Variants in MBNL1 observed in about 807,000 individuals in gnomAD.
MBNL1 encodes the protein muscleblind like splicing regulator 1, also known as muscleblind-like protein 1.
MBNL1 carries 8 observed loss-of-function variants against 42.2 expected under a neutral mutation model. That is an observed-to-expected ratio of 0.19 (90% CI 0.11 to 0.34). The LOEUF (loss-of-function observed/expected upper bound fraction) is 0.34. MBNL1 is among the 10% of genes least tolerant of loss of function. MBNL1 has a pLI of 1.00. For missense variants in MBNL1, 309 were observed against 495.3 expected (o/e 0.62, Z 3.57); for synonymous variants, 169 against 173.9 (o/e 0.97, Z 0.22).
At chr3:152,438,664 A>T (rs1460144465) in intron 4 of MBNL1, among the ~76,000 whole-genome samples, 1 of 152,208 alleles carries the variant, frequency 6.6e-6, no homozygotes, top group Admixed American at 6.5e-5. Flanking sequence ...GTGGGGTTTG[A>T]TAATATTTTT....
At chr3:152,275,678 A>G (rs569473777) in intron 1 of MBNL1, among the ~76,000 whole-genome samples, 1 of 139,542 alleles carries the variant, frequency 7.2e-6, no homozygotes, top group East Asian at 2.3e-4. Flanking sequence ...ACTGCACTCC[A>G]GTCTGGCAAC....
In MBNL1 at chr3:152,325,552, TA is replaced by T. The variant is rs200627383; in HGVS notation, c.174+25186del. Among the ~76,000 whole-genome samples the T allele has an allele frequency of 9.2e-5, 14 of 151,910 alleles. No homozygotes were observed. The South Asian group carries it at 1.0e-3, about 11-fold the overall frequency. On this transcript the variant is annotated intron_variant, in intron 2 of 9. Coordinates refer to ENST00000324210, the MANE Select transcript of MBNL1 (RefSeq NM_021038.5). ...AAATATATTGAAGATATCTGTATTTTATTTTTTTTAGTTTATAGTTAATTTT... is the reference window on the plus strand; with the variant it reads ...AAATATATTGAAGATATCTGTATTTTTTTTTTTTAGTTTATAGTTAATTTT...
chr3:152,257,685 T>C (rs1428028330), intron 2 of MBNL1, among the ~76,000 whole-genome samples: 1 of 152,128 alleles, frequency 6.6e-6, no homozygotes, highest in Non-Finnish European at 1.5e-5. Context: ...GAGGTAGGAG[T>C]AAGAGCTTAA....
intron 1 of MBNL1, among the ~76,000 whole-genome samples, chr3:152,279,659 G>A (rs2047284406): frequency 6.6e-6 from 1 of 152,116 alleles, no homozygotes; most frequent in Admixed American, 6.5e-5. Flanking sequence ...GCAGTATCAT[G>A]ATGTTGTAAC....
chr3:152,258,835 C>T (rs2035827607), intron 2 of MBNL1, among the ~76,000 whole-genome samples: 1 of 152,186 alleles, frequency 6.6e-6, no homozygotes, highest in Admixed American at 6.5e-5. Flanking sequence ...ATTTTGGCTG[C>T]CTTCTATGAA....
chr3:152,460,722 G>T (rs567756073), intron 9 of MBNL1, among the ~76,000 whole-genome samples: 17 of 151,446 alleles, frequency 1.1e-4, no homozygotes, highest in African/African-American at 4.1e-4. Context: ...GTTATAACAT[G>T]TGCTCAGATG....
At chr3:152,381,853 G>T (rs562354871) in intron 2 of MBNL1, among the ~76,000 whole-genome samples, 8 of 151,798 alleles carry the variant, frequency 5.3e-5, no homozygotes, top group Non-Finnish European at 1.2e-4. Flanking sequence ...ATCAGCCAAA[G>T]AATTTGAAGG....
At chr3:152,402,789 A>G (rs2098281930) in intron 2 of MBNL1, among the ~76,000 whole-genome samples, 1 of 152,128 alleles carries the variant, frequency 6.6e-6, no homozygotes, top group Admixed American at 6.5e-5. Context: ...AATGTTTGAG[A>G]GCTGTTTTAT....
At position 152,438,461 on chromosome 3, in the gene MBNL1, T is replaced by A. The variant is rs1053635318; in HGVS notation, c.549+5541T>A. 2.6e-4 allele frequency among the ~76,000 whole-genome samples: 40 copies of A among 152,314 alleles called. 2 individuals are homozygous for A. The highest frequency in any genetic ancestry group is 9.6e-4 in the African/African-American group (40 of 41,582). On this transcript the variant is annotated intron_variant, in intron 4 of 9. Coordinates refer to ENST00000324210, the MANE Select transcript of MBNL1 (RefSeq NM_021038.5). The stretch of plus-strand genomic sequence containing the variant: ...CACAGAGGTACTAAAATATAAAAAA[T>A]GTTTATCATGTGTTAACATTCTCCT...
At chr3:152,397,135 TA>T (rs1280155159) in intron 2 of MBNL1, among the ~76,000 whole-genome samples, 1 of 152,180 alleles carries the variant, frequency 6.6e-6, no homozygotes, top group Non-Finnish European at 1.5e-5. Context: ...TTCCCCAGCT[TA>T]AAAAAATCTT....
At chr3:152,453,433 T>C (rs1247212073) in intron 6 of MBNL1, among the ~76,000 whole-genome samples, 1 of 152,228 alleles carries the variant, frequency 6.6e-6, no homozygotes, top group Non-Finnish European at 1.5e-5. Flanking sequence ...CATTCTGCTC[T>C]GCAAATATCT....
chr3:152,410,126 T>TAC (rs2098531351), intron 2 of MBNL1, among the ~76,000 whole-genome samples: 1 of 152,170 alleles, frequency 6.6e-6, no homozygotes, highest in African/African-American at 2.4e-5. Context: ...TTTATATATA[T>TAC]ACTATATTTG....
At chr3:152,376,527 G>A (rs2096908780) in intron 2 of MBNL1, among the ~76,000 whole-genome samples, 1 of 152,150 alleles carries the variant, frequency 6.6e-6, no homozygotes, top group South Asian at 2.1e-4. Context: ...TGATGTTTAT[G>A]GTGGACAAGA....
At chr3:152,275,707 C>CAAAAA (rs60796721) in intron 1 of MBNL1, among the ~76,000 whole-genome samples, 5 of 29,644 alleles carry the variant, frequency 1.7e-4, no homozygotes, top group Non-Finnish European at 2.8e-4. Flanking sequence ...ACTCTTGTCT[C>CAAAAA]AAAAAAAAAA....
At chr3:152,321,166 A>G (rs1466085697) in intron 2 of MBNL1, among the ~76,000 whole-genome samples, 2 of 152,128 alleles carry the variant, frequency 1.3e-5, no homozygotes, top group Non-Finnish European at 2.9e-5. Flanking sequence ...AGTAGTACTG[A>G]CAATTAAATA....
intron 2 of MBNL1, among the ~76,000 whole-genome samples, chr3:152,331,191 CACACACAT>C (rs1289359893): frequency 8.5e-5 from 13 of 152,084 alleles, no homozygotes; most frequent in South Asian, 2.1e-4. Flanking sequence ...CCCCTACACA[CACACACAT>C]ACACACATAC....
intron 9 of MBNL1, among the ~76,000 whole-genome samples, chr3:152,461,664 TATG>T (rs1228799812): frequency 6.6e-6 from 1 of 152,198 alleles, no homozygotes; most frequent in African/African-American, 2.4e-5. Context: ...GTCACTAGAT[TATG>T]ATTTCTTTCA....
intron 2 of MBNL1, among the ~76,000 whole-genome samples, chr3:152,247,462 C>A (rs2033352281): frequency 6.6e-6 from 1 of 151,516 alleles, no homozygotes; most frequent in African/African-American, 2.4e-5. Context: ...AAGAAAATAC[C>A]TTTTACAGAT....
intron 3 of MBNL1, among the ~76,000 whole-genome samples, chr3:152,431,600 C>G (rs1349444609): frequency 2.0e-5 from 3 of 152,040 alleles, no homozygotes; most frequent in Non-Finnish European, 4.4e-5. Flanking sequence ...TCTAAAGAGT[C>G]TTCTATAATT....
Sources: gnomAD v4.1 joint callset for allele counts (sites outside exome capture counted in the v4.1 genomes callset) on GRCh38, gnomAD v4.1.1 for gene constraint, MANE v1.5 for transcripts, NCBI Gene and HGNC (gene_info 2026-07-23, HGNC 2026-07-21) for gene names.